Variants in CPVL observed in about 807,000 individuals in gnomAD.
CPVL encodes probable serine carboxypeptidase CPVL.
CPVL carries 51 observed loss-of-function variants against 63.7 expected under a neutral mutation model. The ratio of observed to expected loss-of-function variants is 0.80; its 90% CI spans 0.64 to 1.01. The LOEUF (loss-of-function observed/expected upper bound fraction) is 1.01. Among genes scored for constraint, CPVL ranks in the 50% least tolerant of loss-of-function variants. The pLI, the probability that CPVL is intolerant of heterozygous loss-of-function variation, is 0.00. For synonymous variants in CPVL, 195 were observed against 206.0 expected, an observed-to-expected ratio of 0.95 and a Z score of 0.46; for missense variants, 530 against 573.1, an observed-to-expected ratio of 0.92 and a Z score of 0.77.
chr7:29,104,675 A>C (rs1787545277), intron 3 of CPVL, among the ~76,000 whole-genome samples: 1 of 152,078 alleles, frequency 6.6e-6, no homozygotes, highest in Non-Finnish European at 1.5e-5. Flanking sequence ...TAGAATCCTA[A>C]CTTTCTCCTT....
At chr7:29,069,698 A>G (rs568352277) in intron 9 of CPVL, among the ~76,000 whole-genome samples, 6 of 151,888 alleles carry the variant, frequency 4.0e-5, no homozygotes, top group Admixed American at 3.9e-4. Context: ...AGCCTGCCAC[A>G]ATCTATTTGT....
chr7:29,018,021 G>A (rs1786587804), intron 12 of CPVL, among the ~76,000 whole-genome samples: 1 of 152,172 alleles, frequency 6.6e-6, no homozygotes, highest in Admixed American at 6.5e-5. Flanking sequence ...AATCCATCTT[G>A]TAGTTTTGGA....
At chr7:29,164,389 A>G (rs552570307) in intron 5 of CPVL, among the ~76,000 whole-genome samples, 20 of 152,118 alleles carry the variant, frequency 1.3e-4, no homozygotes, top group African/African-American at 4.8e-4. Flanking sequence ...TAAAATGCAA[A>G]CCCTTCATAA....
At chr7:29,152,978 G>C (rs1425364436) in intron 5 of CPVL, among the ~76,000 whole-genome samples, 1 of 152,238 alleles carries the variant, frequency 6.6e-6, no homozygotes, top group African/African-American at 2.4e-5. Flanking sequence ...TCTGAGGGGT[G>C]GCCAAAGGCC....
intron 3 of CPVL, 38 bp from the exon 4 acceptor site, chr7:29,096,255 C>T: frequency 4.0e-6 from 6 of 1,485,706 alleles, no homozygotes; most frequent in Non-Finnish European, 5.6e-6. Flanking sequence ...ACACAGAACA[C>T]TCACTTAAGG....
intron 11 of CPVL, among the ~76,000 whole-genome samples, chr7:29,046,922 T>C (rs1193362394): frequency 1.3e-5 from 2 of 152,222 alleles, no homozygotes; most frequent in Non-Finnish European, 2.9e-5. Flanking sequence ...ATTTTTTTAA[T>C]GCTGCTGATT....
chr7:29,058,135 G>C (rs1197419814), intron 11 of CPVL, among the ~76,000 whole-genome samples: 1 of 152,064 alleles, frequency 6.6e-6, no homozygotes, highest in Non-Finnish European at 1.5e-5. Context: ...TGACAATATT[G>C]AGTCTTCATA....
intron 12 of CPVL, among the ~76,000 whole-genome samples, chr7:29,007,375 C>T (rs6974017): frequency 0.013 from 1,951 of 150,526 alleles, 43 homozygotes; most frequent in African/African-American, 0.046. Context: ...TAATCAGAGT[C>T]AAATTGGGAG....
chr7:29,068,509 T>C (rs1282195743), intron 9 of CPVL, among the ~76,000 whole-genome samples: 1 of 151,994 alleles, frequency 6.6e-6, no homozygotes, highest in African/African-American at 2.4e-5. Flanking sequence ...TGCCTGTGGC[T>C]AAGGGGTGCA....
At chr7:29,061,484 T>G (rs995857326) in intron 11 of CPVL, among the ~76,000 whole-genome samples, 1 of 152,144 alleles carries the variant, frequency 6.6e-6, no homozygotes, top group African/African-American at 2.4e-5. Context: ...AAGTTTAGGA[T>G]ACATGGGCAA....
At chr7:29,052,536 A>G (rs317734) in intron 11 of CPVL, among the ~76,000 whole-genome samples, 11,128 of 152,092 alleles carry the variant, frequency 0.073, 456 homozygotes, top group South Asian at 0.12. Context: ...TTTGATGGGC[A>G]ACATCAAGAA....
intron 6 of CPVL, among the ~76,000 whole-genome samples, chr7:29,089,300 T>C (rs569425280): frequency 6.6e-6 from 1 of 152,312 alleles, no homozygotes; most frequent in African/African-American, 2.4e-5. Flanking sequence ...TCATGCATTG[T>C]AGACCCAAAG....
At chr7:29,083,875 T>C (rs1784966813) in intron 7 of CPVL, among the ~76,000 whole-genome samples, 1 of 152,146 alleles carries the variant, frequency 6.6e-6, no homozygotes, top group Non-Finnish European at 1.5e-5. Context: ...CTGAGGTAGC[T>C]ACTGGTACCT....
chr7:29,026,821 A>G (rs1016895313), intron 12 of CPVL, among the ~76,000 whole-genome samples: 3 of 152,176 alleles, frequency 2.0e-5, no homozygotes, highest in Non-Finnish European at 4.4e-5. Flanking sequence ...CAGACCAATA[A>G]AGAATAATGA....
At chr7:29,169,563 CGGTGT>C (rs1204023461) in intron 5 of CPVL, among the ~76,000 whole-genome samples, 1 of 152,080 alleles carries the variant, frequency 6.6e-6, no homozygotes, top group Non-Finnish European at 1.5e-5. Flanking sequence ...AAGTAGCTGA[CGGTGT>C]ACTGAAGAGT....
chr7:29,052,101 G>T (rs1267750875), intron 11 of CPVL, among the ~76,000 whole-genome samples: 1 of 151,930 alleles, frequency 6.6e-6, no homozygotes, highest in Non-Finnish European at 1.5e-5. Context: ...ACTAAGCTAT[G>T]AGGACGCAAA....
At chr7:29,042,868 TG>T (rs1048381276) in intron 11 of CPVL, among the ~76,000 whole-genome samples, 1 of 152,182 alleles carries the variant, frequency 6.6e-6, no homozygotes, top group Admixed American at 6.5e-5. Flanking sequence ...AAAACGGATA[TG>T]GACAGTGGAC....
chr7:29,189,569 G>A (rs1358543065), intron 1 of CPVL, among the ~76,000 whole-genome samples: 2 of 152,166 alleles, frequency 1.3e-5, no homozygotes, highest in Admixed American at 1.3e-4. Context: ...AACCTGAAGT[G>A]TCAGGGAACA....
upstream of CPVL, chr7:29,147,058 C>T: frequency 2.0e-6 from 3 of 1,490,212 alleles, no homozygotes; most frequent in Non-Finnish European, 2.7e-6. Flanking sequence ...CCATTATACC[C>T]ATTTTGCAAT....
Sources: allele counts gnomAD v4.1 joint callset (sites outside exome capture counted in the v4.1 genomes callset), GRCh38; gene constraint gnomAD v4.1.1; transcripts MANE v1.5; gene names NCBI Gene and HGNC (gene_info 2026-07-23, HGNC 2026-07-21).